Variants in KLHL3 observed in about 807,000 individuals in gnomAD.
KLHL3 encodes the protein kelch-like protein 3.
In KLHL3, 19 loss-of-function variants were observed where a neutral mutation model predicts 70.5. The ratio of observed to expected loss-of-function variants is 0.27; its 90% CI spans 0.19 to 0.40. The LOEUF is 0.40. Among genes scored for constraint, KLHL3 ranks in the 10% least tolerant of loss-of-function variants. The pLI, the probability that KLHL3 is intolerant of heterozygous loss-of-function variation, is 1.00. For synonymous variants in KLHL3, 258 were observed against 290.3 expected, an observed-to-expected ratio of 0.89 and a Z score of 1.13; for missense variants, 512 against 771.1, an observed-to-expected ratio of 0.66 and a Z score of 3.98.
At chr5:137,661,635 A>C in intron 7 of KLHL3, 2 of 287,250 alleles carry the variant, frequency 7.0e-6, no homozygotes, top group Non-Finnish European at 1.3e-5. Flanking sequence ...GCTCTACTAT[A>C]ATATCTGTTC....
At chr5:137,635,793 G>A (rs187253444) in intron 11 of KLHL3, among the ~76,000 whole-genome samples, 120 of 152,274 alleles carry the variant, frequency 7.9e-4, no homozygotes, top group Non-Finnish European at 1.2e-3. Flanking sequence ...CACGTCAACA[G>A]GGCATGCTAC....
intron 1 of KLHL3, among the ~76,000 whole-genome samples, chr5:137,721,510 C>A (rs1309656080): frequency 6.6e-6 from 1 of 152,148 alleles, no homozygotes; most frequent in Non-Finnish European, 1.5e-5. Context: ...CGAACAACAG[C>A]GAAAGCTTTT....
chr5:137,694,070 G>A lies in KLHL3; in HGVS notation c.364-1623C>T, dbSNP rs116208504. Among the ~76,000 whole-genome samples, 1,299 of 151,872 alleles carry A rather than the reference G, an allele frequency of 8.6e-3. 19 individuals are homozygous for A. The highest frequency in any genetic ancestry group is 0.03 in the African/African-American group (1,226 of 41,410). On this transcript the variant is annotated intron_variant, in intron 4 of 14. Transcript: ENST00000309755. Reference sequence around the variant, plus strand: ...TCCCAGGACTTTCAGGGCTAAAAATGGGACAGTCGGTCACCCTTCATTATC... The same window carrying A: ...TCCCAGGACTTTCAGGGCTAAAAATAGGACAGTCGGTCACCCTTCATTATC...
intron 2 of KLHL3, among the ~76,000 whole-genome samples, chr5:137,717,428 G>A (rs1050726958): frequency 6.6e-6 from 1 of 152,218 alleles, no homozygotes; most frequent in Non-Finnish European, 1.5e-5. Context: ...TACTTGGGAG[G>A]CTGAGGGAGG....
intron 3 of KLHL3, chr5:137,706,129 G>GGT: frequency 1.0e-6 from 1 of 985,364 alleles, no homozygotes; most frequent in Non-Finnish European, 1.2e-6. Context: ...ACCACCTCAG[G>GGT]ACATTTGGGC....
intron 1 of KLHL3, among the ~76,000 whole-genome samples, chr5:137,732,922 C>G (rs1300138568): frequency 6.6e-6 from 1 of 152,186 alleles, no homozygotes; most frequent in Non-Finnish European, 1.5e-5. Context: ...GTTTGTAAAG[C>G]AGATTCACCG....
chr5:137,668,291 TC>T (rs1751663694), intron 6 of KLHL3, among the ~76,000 whole-genome samples: 1 of 152,004 alleles, frequency 6.6e-6, no homozygotes, highest in Non-Finnish European at 1.5e-5. Context: ...ACACCTGTGG[TC>T]CCCAGCTACT....
chr5:137,641,674 C>T (rs1580726499), intron 8 of KLHL3, among the ~76,000 whole-genome samples: 1 of 152,200 alleles, frequency 6.6e-6, no homozygotes, highest in Admixed American at 6.5e-5. Flanking sequence ...ACCATTACTA[C>T]AGATCAACCA....
chr5:137,729,888 A>G (rs925011340), intron 1 of KLHL3, among the ~76,000 whole-genome samples: 9 of 152,142 alleles, frequency 5.9e-5, no homozygotes, highest in Non-Finnish European at 1.3e-4. Context: ...CTGCTATCAC[A>G]AAGTACCATT....
At chr5:137,722,846 T>C (rs1753022260) in intron 1 of KLHL3, among the ~76,000 whole-genome samples, 1 of 152,126 alleles carries the variant, frequency 6.6e-6, no homozygotes, top group Non-Finnish European at 1.5e-5. Flanking sequence ...TTTGTATTTT[T>C]AGTAGAAATG....
At position 137,662,044 on chromosome 5, in the gene KLHL3, G is replaced by T; in HGVS notation, c.637-13C>A. On this transcript the variant is annotated splice_polypyrimidine_tract_variant and intron_variant, in intron 6 of 14. Coordinates refer to ENST00000309755, the MANE Select transcript of KLHL3 (RefSeq NM_017415.3). ...CAGCTTCAAACACCTATAAAGAAAA[G>T]CAACATGGGCAACTTCAGTAAAGAG... The T allele has an allele frequency of 8.0e-7, 1 of 1,248,874 alleles. No homozygotes were observed. The highest frequency in any genetic ancestry group is 1.1e-6 in the Non-Finnish European group (1 of 872,212). 77.4% of individuals were successfully genotyped at this position (1,248,874 alleles called of 1,614,324 possible). A position where few individuals can be genotyped will look rare whatever the true frequency, so the allele number is the denominator to read the frequency against.
At chr5:137,659,022 GC>G (rs765761814) in intron 7 of KLHL3, among the ~76,000 whole-genome samples, 23 of 152,168 alleles carry the variant, frequency 1.5e-4, no homozygotes, top group Non-Finnish European at 2.9e-4. Flanking sequence ...GCAAGACCAA[GC>G]ATGAAGCCAT....
intron 14 of KLHL3, among the ~76,000 whole-genome samples, chr5:137,624,515 T>C (rs1750406278): frequency 6.6e-6 from 1 of 152,304 alleles, no homozygotes; most frequent in African/African-American, 2.4e-5. Flanking sequence ...AGAAAAAAGT[T>C]AAAGTTCATT....
intron 5 of KLHL3, among the ~76,000 whole-genome samples, chr5:137,684,753 G>A (rs1346071775): frequency 6.6e-6 from 1 of 152,210 alleles, no homozygotes; most frequent in Non-Finnish European, 1.5e-5. Context: ...TGAGGTATAA[G>A]AAACAGGCTG....
chr5:137,637,482 A>G, intron 10 of KLHL3, 87 bp from the exon 11 acceptor site: 1 of 1,163,176 alleles, frequency 8.6e-7, no homozygotes, highest in Non-Finnish European at 1.3e-6. Flanking sequence ...GAGGAGTCCA[A>G]ATGCATGGGC....
In KLHL3 at chr5:137,639,432, C is replaced by T. The variant is rs2074347; in HGVS notation, c.1022-282G>A. On this transcript the variant is annotated intron_variant, in intron 9 of 14. Transcript: ENST00000309755. The surrounding 1 kb of genome is among the most constrained non-coding windows in gnomAD (Gnocchi z 5.0). Reference sequence around the variant, plus strand: ...GCAAGTGGCCGGGCATGGTAGCTCACGCCTGTAATTCCAGTACCTTGGGAA... The same window carrying T: ...GCAAGTGGCCGGGCATGGTAGCTCATGCCTGTAATTCCAGTACCTTGGGAA... 0.18 allele frequency among the ~76,000 whole-genome samples: 27,182 copies of T among 152,068 alleles called. 2,900 individuals are homozygous for T. Among genetic ancestry groups the T allele is most frequent in the East Asian group, 0.41 (2,092 of 5,152 alleles).
At chr5:137,640,084 G>C in intron 8 of KLHL3, 107 bp from the exon 9 acceptor site, 2 of 904,778 alleles carry the variant, frequency 2.2e-6, no homozygotes, top group Middle Eastern at 2.2e-4. Context: ...GATGATCTGA[G>C]ATGCCAGTTT....
At chr5:137,733,372 CAAAAGTTATTAGCTAATCAGCTA>C (rs1753210576) in intron 1 of KLHL3, among the ~76,000 whole-genome samples, 1 of 152,186 alleles carries the variant, frequency 6.6e-6, no homozygotes, top group South Asian at 2.1e-4. Context: ...GAGCCTCACA[CAAAAGTTATTAGCTAATCAGCTA>C]ATAACTATTC....
chr5:137,725,340 A>T (rs1753069451), intron 1 of KLHL3, among the ~76,000 whole-genome samples: 1 of 152,324 alleles, frequency 6.6e-6, no homozygotes, highest in South Asian at 2.1e-4. Flanking sequence ...TTCTGTTGAA[A>T]AGCATTTCAC....
Sources: gnomAD v4.1 joint callset for allele counts (sites outside exome capture counted in the v4.1 genomes callset) on GRCh38, gnomAD v4.1.1 for gene constraint, Gnocchi (gnomAD v3.1) non-coding constraint, MANE v1.5 for transcripts, NCBI Gene and HGNC (gene_info 2026-07-23, HGNC 2026-07-21) for gene names.